The following LTBP1 variants were observed in gnomAD, a reference collection of about 807,000 sequenced individuals.
The protein encoded by LTBP1 is latent-transforming growth factor beta-binding protein 1.
Under a neutral mutation model 207.6 loss-of-function variants are expected in LTBP1, and 129 were observed. That is an observed-to-expected ratio of 0.62 (90% CI 0.54 to 0.72). The LOEUF is 0.72. LTBP1 is among the 30% of genes least tolerant of loss of function. The pLI, the probability that LTBP1 is intolerant of heterozygous loss-of-function variation, is 0.00. For missense variants in LTBP1, 2,281 were observed against 2,217.2 expected, an observed-to-expected ratio of 1.03 and a Z score of -0.58; for synonymous variants, 963 against 833.7, an observed-to-expected ratio of 1.16 and a Z score of -2.67.
intron 2 of LTBP1, among the ~76,000 whole-genome samples, chr2:32,962,773 G>A (rs1398602851): frequency 6.6e-6 from 1 of 152,196 alleles, no homozygotes; most frequent in Non-Finnish European, 1.5e-5. Flanking sequence ...TAGCCTCGTG[G>A]CTCTCAAAGT....
chr2:32,947,861 C>T (rs555849712), intron 1 of LTBP1, 43 bp downstream of exon 1: 1 of 1,275,042 alleles, frequency 7.8e-7, no homozygotes, highest in Admixed American at 4.1e-5. Context: ...GCCTCGCGCG[C>T]ACCGCCCGCG....
chr2:33,354,166 C>T (rs1164800874), intron 26 of LTBP1, among the ~76,000 whole-genome samples: 1 of 151,914 alleles, frequency 6.6e-6, no homozygotes, highest in Non-Finnish European at 1.5e-5. Context: ...CTCGGCCGTG[C>T]ATGTACACAT....
rs55823715 is a variant in LTBP1, at chr2:33,223,113, G to C, written c.1876+962G>C. Among the ~76,000 whole-genome samples the C allele has an allele frequency of 1.9e-3, 288 of 152,308 alleles. 1 individual carries two copies. Among genetic ancestry groups the C allele is most frequent in the African/African-American group, 6.3e-3 (261 of 41,576 alleles). On this transcript the variant is annotated intron_variant, in intron 9 of 33. Coordinates refer to ENST00000404816, the MANE Select transcript of LTBP1 (RefSeq NM_206943.4). ...TACAGTAGATTAAGGTCATGTTACA[G>C]AGTATAGGTTAACCCCCTATTCAAA...
At chr2:33,031,339 A>G (rs556130273) in intron 3 of LTBP1, among the ~76,000 whole-genome samples, 1 of 152,310 alleles carries the variant, frequency 6.6e-6, no homozygotes, top group African/African-American at 2.4e-5. Context: ...CTGGTTCACC[A>G]TAGTGAAGAT....
intron 31 of LTBP1, among the ~76,000 whole-genome samples, chr2:33,382,600 C>G (rs987942038): frequency 6.6e-6 from 1 of 152,176 alleles, no homozygotes; most frequent in Non-Finnish European, 1.5e-5. Context: ...ATCATCACAT[C>G]TTTCCGTACT....
chr2:33,273,628 T>C, intron 15 of LTBP1, 28 bp from the exon 16 acceptor site: 1 of 1,572,290 alleles, frequency 6.4e-7, no homozygotes, highest in Non-Finnish European at 8.6e-7. Context: ...CTGTGGGTTT[T>C]TTCACATTAT....
intron 5 of LTBP1, among the ~76,000 whole-genome samples, chr2:33,179,620 GATTAT>G (rs1347199663): frequency 1.3e-5 from 2 of 150,584 alleles, no homozygotes; most frequent in Non-Finnish European, 2.9e-5. Flanking sequence ...CCTTCATAAT[GATTAT>G]ATATTTAGTG....
chr2:33,054,756 C>G (rs189261184), intron 3 of LTBP1, among the ~76,000 whole-genome samples: 3 of 152,202 alleles, frequency 2.0e-5, no homozygotes, highest in African/African-American at 7.2e-5. Flanking sequence ...TTTCCTGGCC[C>G]TCAGTAGTTA....
At position 33,354,683 on chromosome 2, in the gene LTBP1, TACACACACACAC is replaced by T. The variant is rs71409608; in HGVS notation, c.4001-5879_4001-5868del. Among the ~76,000 whole-genome samples the T allele has an allele frequency of 6.0e-3, 835 of 139,766 alleles. 4 individuals are homozygous for T. Among genetic ancestry groups the T allele is most frequent in the Middle Eastern group, 0.025 (7 of 282 alleles). The allele number at this position is 139,766 out of a possible 152,430, so 91.7% of individuals were successfully genotyped here. A position where few individuals can be genotyped will look rare whatever the true frequency, so the allele number is the denominator to read the frequency against. On this transcript the variant is annotated intron_variant, in intron 26 of 33. Transcript: ENST00000404816. Reference sequence around the variant, plus strand: ...CAATCAAAGTGACAAACTAAAACTATACACACACACACACACACACACACACACACACACACA... The same window carrying T: ...CAATCAAAGTGACAAACTAAAACTATACACACACACACACACACACACACA...
chr2:33,211,858 A>G (rs1337863296), intron 7 of LTBP1, among the ~76,000 whole-genome samples: 2 of 152,208 alleles, frequency 1.3e-5, no homozygotes, highest in East Asian at 1.9e-4. Context: ...GTTTTGAACT[A>G]TCTTTCCTCT....
chr2:33,009,696 T>C (rs1687404486), intron 2 of LTBP1, among the ~76,000 whole-genome samples: 1 of 152,178 alleles, frequency 6.6e-6, no homozygotes, highest in African/African-American at 2.4e-5. Flanking sequence ...ATTTCTCATT[T>C]TGTGATACTT....
At chr2:33,359,042 G>A (rs539278823) in intron 26 of LTBP1, among the ~76,000 whole-genome samples, 10 of 152,282 alleles carry the variant, frequency 6.6e-5, no homozygotes, top group South Asian at 2.1e-4. Flanking sequence ...AAACCACTTC[G>A]TAAACTGCTG....
At chr2:33,244,942 G>A (rs148567277) in intron 10 of LTBP1, among the ~76,000 whole-genome samples, 2,733 of 152,136 alleles carry the variant, frequency 0.018, 88 homozygotes, top group African/African-American at 0.063. Flanking sequence ...GCAATGGTGC[G>A]ATCTCCACTC....
At position 33,020,922 on chromosome 2, in the gene LTBP1, G is replaced by T. The variant is rs373027223; in HGVS notation, c.579G>T (p.Pro193=). 3.2e-6 allele frequency: 5 copies of T among 1,585,056 alleles called. No homozygotes were observed. The African/African-American group carries it at 6.7e-5, about 21-fold the overall frequency. The change falls in exon 3 of 34, where the codon CCG becomes CCT. Residue 193 remains proline, a synonymous_variant. Coordinates refer to ENST00000404816, the MANE Select transcript of LTBP1 (RefSeq NM_206943.4). ...SQRCTKPSCV[P]PCQNGGMCLR... is the part of the protein sequence containing the mutation. The stretch of plus-strand genomic sequence containing the variant: ...TTCTTTCTGCAGCTAGCTGTGTTCC[G>T]CCATGTCAGAATGGAGGGATGTGTC...
At chr2:33,288,956 TC>T (rs2093722568) in intron 19 of LTBP1, among the ~76,000 whole-genome samples, 1 of 152,224 alleles carries the variant, frequency 6.6e-6, no homozygotes, top group African/African-American at 2.4e-5. Flanking sequence ...AATGCATGAT[TC>T]AAATGATGAG....
intron 10 of LTBP1, among the ~76,000 whole-genome samples, chr2:33,245,079 C>T (rs2092464954): frequency 6.6e-6 from 1 of 152,068 alleles, no homozygotes. Context: ...AGGGTTTTGC[C>T]ATATTGGTCA....
chr2:33,398,268 G>A, intron 33 of LTBP1, 96 bp from the exon 34 acceptor site: 2 of 1,113,614 alleles, frequency 1.8e-6, no homozygotes, highest in Non-Finnish European at 2.6e-6. Flanking sequence ...GCTTCCTTGG[G>A]GTGGTCGGGG....
chr2:32,972,066 G>C (rs1572884538), intron 2 of LTBP1, among the ~76,000 whole-genome samples: 1 of 148,896 alleles, frequency 6.7e-6, no homozygotes, highest in Non-Finnish European at 1.5e-5. Context: ...TTTCTTGTAG[G>C]TTTTCTAGTT....
intron 28 of LTBP1, among the ~76,000 whole-genome samples, chr2:33,363,186 A>G (rs1486219174): frequency 6.6e-6 from 1 of 152,220 alleles, no homozygotes; most frequent in Non-Finnish European, 1.5e-5. Context: ...CTTCTCAAAT[A>G]TCACAGACAA....
Sources: allele counts gnomAD v4.1 joint callset (sites outside exome capture counted in the v4.1 genomes callset), GRCh38; gene constraint gnomAD v4.1.1; transcripts MANE v1.5; gene names NCBI Gene and HGNC (gene_info 2026-07-23, HGNC 2026-07-21).